The following HLCS variants were observed in gnomAD, a reference collection of about 807,000 sequenced individuals.
HLCS encodes the protein holocarboxylase synthetase.
HLCS carries 53 observed loss-of-function variants against 75.0 expected under a neutral mutation model. That is an observed-to-expected ratio of 0.71 (90% CI 0.57 to 0.89). The LOEUF is 0.89. Among genes scored for constraint, HLCS ranks in the 40% least tolerant of loss-of-function variants. The pLI, the probability that HLCS is intolerant of heterozygous loss-of-function variation, is 0.00. For missense variants in HLCS, 966 were observed against 1,074.0 expected (o/e 0.90, Z 1.41); for synonymous variants, 431 against 428.6 (o/e 1.01, Z -0.07).
intron 6 of HLCS, chr21:36,803,926 C>T (rs1373230742): frequency 6.6e-6 from 1 of 152,312 alleles, no homozygotes; most frequent in Non-Finnish European, 1.5e-5. Context: ...CCATCCACCT[C>T]ACCAGACCAT....
intron 6 of HLCS, among the ~76,000 whole-genome samples, chr21:36,788,302 G>T (rs985629701): frequency 6.6e-6 from 1 of 152,148 alleles, no homozygotes; most frequent in Admixed American, 6.5e-5. Flanking sequence ...TGCAGGGCCC[G>T]CCCAAGAGTG....
chr21:36,821,906 G>T (rs376233809), intron 6 of HLCS, among the ~76,000 whole-genome samples: 1 of 152,000 alleles, frequency 6.6e-6, no homozygotes, highest in Non-Finnish European at 1.5e-5. Context: ...AGAAGAAGAC[G>T]GGAGGGGAGA....
chr21:36,899,949 C>CA, intron 5 of HLCS, among the ~76,000 whole-genome samples: 1 of 151,862 alleles, frequency 6.6e-6, no homozygotes, highest in African/African-American at 2.4e-5. Context: ...ACTAAAAATA[C>CA]AAAAAATTAG....
intron 6 of HLCS, among the ~76,000 whole-genome samples, chr21:36,878,814 A>T (rs2064087296): frequency 6.6e-6 from 1 of 152,216 alleles, no homozygotes; most frequent in Admixed American, 6.5e-5. Context: ...GTACATTACG[A>T]TTTCAGCAAA....
intron 6 of HLCS, among the ~76,000 whole-genome samples, chr21:36,833,593 TTA>T (rs56412653): frequency 2.8e-4 from 39 of 139,940 alleles, no homozygotes; most frequent in South Asian, 4.6e-4. Context: ...TAAAAAAAAA[TTA>T]TATATATATA....
intron 6 of HLCS, among the ~76,000 whole-genome samples, chr21:36,837,863 C>G (rs561794119): frequency 6.6e-6 from 1 of 151,988 alleles, no homozygotes; most frequent in Non-Finnish European, 1.5e-5. Context: ...GTTCTTACAG[C>G]GGAGAGGGGA....
chr21:36,990,050 G>C (rs992064988), intron 1 of HLCS: 1 of 152,156 alleles, frequency 6.6e-6, no homozygotes, highest in Non-Finnish European at 1.5e-5. Context: ...CTCAGGAGAC[G>C]GCTGTTCCCT....
chr21:36,801,970 T>C (rs961368687), intron 6 of HLCS, among the ~76,000 whole-genome samples: 1 of 152,150 alleles, frequency 6.6e-6, no homozygotes, highest in Non-Finnish European at 1.5e-5. Flanking sequence ...AGCAGCAATA[T>C]GATATATATA....
At chr21:36,899,957 T>C (rs977371512) in intron 5 of HLCS, among the ~76,000 whole-genome samples, 23 of 151,824 alleles carry the variant, frequency 1.5e-4, no homozygotes, top group Admixed American at 5.9e-4. Flanking sequence ...TACAAAAAAT[T>C]AGCCATGCAT....
chr21:36,895,458 A>G (rs1450617180), intron 6 of HLCS, among the ~76,000 whole-genome samples: 2 of 152,204 alleles, frequency 1.3e-5, no homozygotes, highest in African/African-American at 4.8e-5. Flanking sequence ...CTGAAAAATG[A>G]AAGTACCTAT....
chr21:36,942,896 C>T (rs138704797), intron 2 of HLCS, among the ~76,000 whole-genome samples: 51 of 150,902 alleles, frequency 3.4e-4, no homozygotes, highest in Admixed American at 3.0e-3. Flanking sequence ...CACCACTGCA[C>T]GCCAGCCTGG....
intron 6 of HLCS, among the ~76,000 whole-genome samples, chr21:36,824,756 A>G (rs553642172): frequency 6.6e-6 from 1 of 152,350 alleles, no homozygotes; most frequent in East Asian, 1.9e-4. Flanking sequence ...AGGTACTAAC[A>G]TAATTAACAA....
intron 2 of HLCS, among the ~76,000 whole-genome samples, chr21:36,961,031 A>C (rs1445007541): frequency 6.6e-6 from 1 of 152,246 alleles, no homozygotes; most frequent in East Asian, 1.9e-4. Flanking sequence ...GAGAGGAGCT[A>C]ACAATTTAGG....
At chr21:36,903,472 T>C (rs1290426738) in intron 5 of HLCS, among the ~76,000 whole-genome samples, 1 of 152,150 alleles carries the variant, frequency 6.6e-6, no homozygotes, top group Non-Finnish European at 1.5e-5. Flanking sequence ...ATAGGTGAAT[T>C]AGGTTAAATC....
chr21:36,750,185 A>G lies in HLCS; in HGVS notation c.*4061T>C, dbSNP rs1353440405. Among the ~76,000 whole-genome samples the G allele has an allele frequency of 6.6e-6, 1 of 152,202 alleles. No individual in the cohort carries two copies. Among genetic ancestry groups the G allele is most frequent in the Non-Finnish European group, 1.5e-5 (1 of 68,038 alleles). ...ACTTCTGTGAGGCTCCGGCAGGGGA[A>G]GAGGAAGCATTTTAATACATATGCC... On this transcript the variant is annotated 3_prime_UTR_variant, in exon 11 of 11. Coordinates refer to ENST00000674895, the MANE Select transcript of HLCS (RefSeq NM_001352514.2).
At chr21:36,879,410 G>T (rs1458789276) in intron 6 of HLCS, among the ~76,000 whole-genome samples, 1 of 152,204 alleles carries the variant, frequency 6.6e-6, no homozygotes, top group Non-Finnish European at 1.5e-5. Flanking sequence ...TGCACATGTA[G>T]TGTAGGAGGA....
At position 36,793,295 on chromosome 21, in the gene HLCS, C is replaced by CTTTTTTTTTTTTTTT. The variant is rs761549990; in HGVS notation, c.1893-26025_1893-26011dup. Among the ~76,000 whole-genome samples the CTTTTTTTTTTTTTTT allele has an allele frequency of 1.7e-3, 201 of 116,166 alleles. 17 individuals are homozygous for CTTTTTTTTTTTTTTT. Among genetic ancestry groups the CTTTTTTTTTTTTTTT allele is most frequent in the Middle Eastern group, 9.3e-3 (2 of 214 alleles). The allele number at this position is 116,166 out of a possible 152,430, so 76.2% of individuals were successfully genotyped here. A position where few individuals can be genotyped will look rare whatever the true frequency, so the allele number is the denominator to read the frequency against. On this transcript the variant is annotated intron_variant, in intron 6 of 10. Coordinates refer to ENST00000674895, the MANE Select transcript of HLCS (RefSeq NM_001352514.2). ...AGAACACGGGACAGCAGGAAGCAGT[C>CTTTTTTTTTTTTTTT]TTTTTTTTTTTTTTTTTTGAGATAG...
intron 5 of HLCS, among the ~76,000 whole-genome samples, chr21:36,916,292 TATAAA>T (rs1235061337): frequency 5.9e-5 from 9 of 152,144 alleles, no homozygotes; most frequent in African/African-American, 2.2e-4. Flanking sequence ...CTTTGTTGAG[TATAAA>T]AGATCAACTA....
chr21:36,955,450 T>C (rs1214558158), intron 2 of HLCS, among the ~76,000 whole-genome samples: 2 of 151,824 alleles, frequency 1.3e-5, no homozygotes, highest in South Asian at 2.1e-4. Flanking sequence ...GATAAATAAA[T>C]GAAAATAAGA....
Sources: gnomAD v4.1 joint callset for allele counts (sites outside exome capture counted in the v4.1 genomes callset) on GRCh38, gnomAD v4.1.1 for gene constraint, MANE v1.5 for transcripts, NCBI Gene and HGNC (gene_info 2026-07-23, HGNC 2026-07-21) for gene names.